The following EFTUD2 variants were observed in gnomAD, a reference collection of about 807,000 sequenced individuals.
The protein encoded by EFTUD2 is elongation factor Tu GTP binding domain containing 2.
Under a neutral mutation model 114.3 loss-of-function variants are expected in EFTUD2, and 9 were observed. That is an observed-to-expected ratio of 0.08 (90% CI 0.05 to 0.14). The LOEUF (loss-of-function observed/expected upper bound fraction) is 0.14. EFTUD2 is among the 10% of genes least tolerant of loss of function. The probability of loss-of-function intolerance (pLI) is 1.00; values close to 1 mark genes in which losing one functional copy is unlikely to be tolerated. For missense variants in EFTUD2, 765 were observed against 1,241.2 expected, an observed-to-expected ratio of 0.62 and a Z score of 5.76; for synonymous variants, 449 against 462.3, an observed-to-expected ratio of 0.97 and a Z score of 0.37.
chr17:44,881,615 C>T (rs1285888107), intron 7 of EFTUD2, 72 bp downstream of exon 7: 1 of 1,540,016 alleles, frequency 6.5e-7, no homozygotes, highest in Admixed American at 1.7e-5. Context: ...AAAGGCTCCT[C>T]TACATTCCCT....
At chr17:44,868,214 G>A in intron 12 of EFTUD2, 73 bp downstream of exon 12, 3 of 1,341,000 alleles carry the variant, frequency 2.2e-6, no homozygotes, top group South Asian at 1.4e-5. Context: ...TTTGAACTCA[G>A]AGAATTTCAC....
intron 16 of EFTUD2, 21 bp downstream of exon 16, chr17:44,862,692 T>C: frequency 1.9e-6 from 3 of 1,606,670 alleles, no homozygotes; most frequent in Non-Finnish European, 2.6e-6. Flanking sequence ...GGCATACTCC[T>C]GGGGCTCTGG....
In EFTUD2 at chr17:44,859,939, T is replaced by C. The variant is rs376741817; in HGVS notation, c.1826A>G (p.Lys609Arg). ...GAGGGATGGATAGCTCTTGTTGACC[T>C]TGCGCAGGCCATCAAGCATCTTGGG... ...ELPKMLDGLR[K>R]VNKSYPSLTT... is the part of the protein sequence containing the mutation. Residue 609 changes from lysine (K) to arginine (R), a missense_variant, in exon 18 of 28, where the codon AAG (lysine) becomes AGG (arginine). Physicochemically the swap from Lys to Arg is conservative, Grantham distance 26 (BLOSUM62 2). Around this residue, in one of 6 missense-constraint regions of EFTUD2, gnomAD observed 149 missense variants for 245.1 expected, o/e 0.61. Coordinates refer to ENST00000426333, the MANE Select transcript of EFTUD2 (RefSeq NM_004247.4). The C allele has an allele frequency of 6.8e-6, 11 of 1,614,060 alleles. No individual in the cohort carries two copies. The highest frequency in any genetic ancestry group is 9.3e-6 in the Non-Finnish European group (11 of 1,180,044).
chr17:44,877,843 C>A (rs1162255231), intron 9 of EFTUD2, among the ~76,000 whole-genome samples: 4 of 138,516 alleles, frequency 2.9e-5, no homozygotes, highest in Admixed American at 2.9e-4. Context: ...CAACAACAAA[C>A]AACAATGGCT....
intron 10 of EFTUD2, among the ~76,000 whole-genome samples, chr17:44,874,556 G>A (rs1454247386): frequency 2.6e-5 from 4 of 152,184 alleles, no homozygotes; most frequent in African/African-American, 9.7e-5. Context: ...AGTTGGAGAG[G>A]CATTCTTTCA....
intron 2 of EFTUD2, 97 bp from the exon 3 acceptor site, chr17:44,886,847 T>C: frequency 6.6e-7 from 1 of 1,503,826 alleles, no homozygotes; most frequent in Non-Finnish European, 8.9e-7. Flanking sequence ...CTGTACATGC[T>C]GGCCAGCTTC....
chr17:44,861,588 C>G (rs144850005), intron 16 of EFTUD2, among the ~76,000 whole-genome samples: 7,394 of 151,972 alleles, frequency 0.049, 238 homozygotes, highest in Non-Finnish European at 0.069. Context: ...AAAAAATTAG[C>G]TGGGCATGGT....
At position 44,892,826 on chromosome 17, in the gene EFTUD2, G is replaced by A. The variant is rs976911137; in HGVS notation, c.105+1591C>T. ...CTAATTTTTGTATTTTAGTAGAGAC[G>A]GGGTTTCACCATGTTGGCCAGGCTG... On this transcript the variant is annotated intron_variant, in intron 2 of 27. Transcript: ENST00000426333. 6.6e-5 allele frequency among the ~76,000 whole-genome samples: 10 copies of A among 151,412 alleles called. 1 individual carries two copies. Among genetic ancestry groups the A allele is most frequent in the Non-Finnish European group, 1.5e-5 (1 of 67,862 alleles).
At chr17:44,858,105 A>G (rs2050590758) in intron 19 of EFTUD2, among the ~76,000 whole-genome samples, 1 of 151,950 alleles carries the variant, frequency 6.6e-6, no homozygotes, top group Non-Finnish European at 1.5e-5. Flanking sequence ...TATTTTTAGT[A>G]GAGACAGAGT....
Position 44,857,198 on chromosome 17 carries a change from T to G in EFTUD2, c.1963-41A>C, listed in dbSNP as rs757826608. The G allele has an allele frequency of 3.2e-6, 5 of 1,580,742 alleles. No individual in the cohort carries two copies. In the East Asian group the frequency reaches 1.1e-4, roughly 35 times the overall value. Reference sequence around the variant, plus strand: ...TAAATTACTGAAGCGAGGTCTAATTTTGTTGGAAGGGCAACCATTTACCTA... The same window carrying G: ...TAAATTACTGAAGCGAGGTCTAATTGTGTTGGAAGGGCAACCATTTACCTA... On this transcript the variant is annotated intron_variant, in intron 19 of 27. Coordinates refer to ENST00000426333, the MANE Select transcript of EFTUD2 (RefSeq NM_004247.4).
chr17:44,893,567 T>A (rs566103143), intron 2 of EFTUD2, among the ~76,000 whole-genome samples: 13 of 152,196 alleles, frequency 8.5e-5, no homozygotes, highest in Non-Finnish European at 1.5e-4. Context: ...GAAGAACTAA[T>A]GATCAACTAG....
chr17:44,869,536 G>A (rs1383368461), intron 11 of EFTUD2, among the ~76,000 whole-genome samples: 1 of 152,116 alleles, frequency 6.6e-6, no homozygotes, highest in Non-Finnish European at 1.5e-5. Context: ...CTGGCCTCAA[G>A]TGATCCTCTA....
chr17:44,894,347 C>A, intron 2 of EFTUD2, 70 bp downstream of exon 2: 1 of 1,337,464 alleles, frequency 7.5e-7, no homozygotes, highest in South Asian at 1.2e-5. Context: ...TCCAACCTGG[C>A]AAGAGAGTGA....
chr17:44,859,833 A>G, intron 18 of EFTUD2, 72 bp downstream of exon 18: 1 of 1,603,002 alleles, frequency 6.2e-7, no homozygotes, highest in Non-Finnish European at 8.5e-7. Context: ...GATGGATGGG[A>G]AGCGGTGTGC....
intron 2 of EFTUD2, among the ~76,000 whole-genome samples, chr17:44,890,680 G>C (rs182942275): frequency 6.6e-6 from 1 of 151,966 alleles, no homozygotes; most frequent in East Asian, 1.9e-4. Flanking sequence ...CAACAAGAGC[G>C]AAACTCCATC....
In EFTUD2 at chr17:44,854,696, G is replaced by A. The variant is rs1395229883; in HGVS notation, c.2133-14C>T. Reference sequence around the variant, plus strand: ...CCCAGCTTCTTCCTGGGGAAGGGAGGAGACAATGGAGCTGTCAGCCAGCTC... The same window carrying A: ...CCCAGCTTCTTCCTGGGGAAGGGAGAAGACAATGGAGCTGTCAGCCAGCTC... On this transcript the variant is annotated splice_polypyrimidine_tract_variant and intron_variant, in intron 21 of 27. Coordinates refer to ENST00000426333, the MANE Select transcript of EFTUD2 (RefSeq NM_004247.4). The surrounding 1 kb of genome is among the most constrained non-coding windows in gnomAD (Gnocchi z 4.3). 1 of 1,610,292 alleles carries A rather than the reference G, an allele frequency of 6.2e-7. No individual in the cohort carries two copies. The highest frequency in any genetic ancestry group is 8.5e-7 in the Non-Finnish European group (1 of 1,177,514).
intron 14 of EFTUD2, chr17:44,864,179 A>G (rs926142562): frequency 2.9e-5 from 5 of 169,492 alleles, no homozygotes; most frequent in Non-Finnish European, 5.1e-5. Context: ...TCTCTATTCA[A>G]TAAGTTACCC....
At chr17:44,869,141 C>G (rs1488199364) in intron 11 of EFTUD2, among the ~76,000 whole-genome samples, 1 of 152,216 alleles carries the variant, frequency 6.6e-6, no homozygotes, top group South Asian at 2.1e-4. Context: ...AAGGTTACCA[C>G]CAAATTTTCA....
rs776609546 is a variant in EFTUD2 at position 44,868,386 on chromosome 17, CA to C, written c.995-37del. 4 of 1,605,264 alleles carry C rather than the reference CA, an allele frequency of 2.5e-6. No individual in the cohort carries two copies. In the African/African-American group the frequency reaches 5.4e-5, roughly 22 times the overall value. On this transcript the variant is annotated intron_variant, in intron 11 of 27. Coordinates refer to ENST00000426333, the MANE Select transcript of EFTUD2 (RefSeq NM_004247.4). ...AGCCACACAATTATAATCTACCTAG[CA>C]AAGTGTCGTTCAAAATTCTGTTTCA...
Sources: allele counts gnomAD v4.1 joint callset (sites outside exome capture counted in the v4.1 genomes callset), GRCh38; gene constraint gnomAD v4.1.1; regional missense constraint gnomAD v4.1.1; non-coding constraint Gnocchi (gnomAD v3.1); transcripts MANE v1.5; gene names NCBI Gene and HGNC (gene_info 2026-07-23, HGNC 2026-07-21).